The following KCTD1 variants were observed in gnomAD, a reference collection of about 807,000 sequenced individuals.
The protein encoded by KCTD1 is BTB/POZ domain-containing protein KCTD1.
KCTD1 carries 24 observed loss-of-function variants against 66.0 expected under a neutral mutation model. The observed-to-expected ratio is 0.36, with a 90% CI of 0.26 to 0.51. The LOEUF (loss-of-function observed/expected upper bound fraction) is 0.51. KCTD1 is among the 20% of genes least tolerant of loss of function. KCTD1 has a pLI of 0.95. For synonymous variants in KCTD1, 511 were observed against 517.2 expected (o/e 0.99, Z 0.16); for missense variants, 943 against 1,205.2 (o/e 0.78, Z 3.22).
upstream of KCTD1, chr18:26,640,492 G>A (rs1032237592): frequency 2.0e-5 from 3 of 152,948 alleles, no homozygotes; most frequent in African/African-American, 7.2e-5. Flanking sequence ...CAGTGAGAGG[G>A]GATGGGGGCA....
intron 1 of KCTD1, among the ~76,000 whole-genome samples, chr18:26,510,884 T>C (rs1164156382): frequency 1.3e-5 from 2 of 152,182 alleles, no homozygotes; most frequent in East Asian, 3.8e-4. Flanking sequence ...AATAGTGCTA[T>C]AGGGAAAGGT....
upstream of KCTD1, among the ~76,000 whole-genome samples, chr18:26,550,492 G>A (rs980342029): frequency 2.2e-4 from 33 of 152,000 alleles, no homozygotes; most frequent in African/African-American, 7.7e-4. The surrounding 1 kb of genome is among the most constrained non-coding windows in gnomAD (Gnocchi z 5.4). Context: ...ACCGCGCCAG[G>A]TGTGAAACAA....
chr18:26,651,508 G>C (rs1988033220), intron 1 of KCTD1, among the ~76,000 whole-genome samples: 1 of 152,172 alleles, frequency 6.6e-6, no homozygotes, highest in Non-Finnish European at 1.5e-5. Context: ...AGTTGGCCGA[G>C]TGTGGTGGCT....
intron 2 of KCTD1, among the ~76,000 whole-genome samples, chr18:26,491,815 C>A (rs1482403934): frequency 6.6e-6 from 1 of 152,174 alleles, no homozygotes; most frequent in African/African-American, 2.4e-5. Context: ...ATATCATAGA[C>A]AACTTGACCT....
chr18:26,550,347 A>G (rs1985507235), upstream of KCTD1, among the ~76,000 whole-genome samples: 2 of 149,968 alleles, frequency 1.3e-5, no homozygotes, highest in Non-Finnish European at 3.0e-5. The surrounding 1 kb of genome is among the most constrained non-coding windows in gnomAD (Gnocchi z 5.4). Flanking sequence ...TTTTTTTTTT[A>G]AGAAAGAATG....
upstream of KCTD1, among the ~76,000 whole-genome samples, chr18:26,550,565 G>GACACACACACACACACACACACACACAC (rs60922405): frequency 2.1e-5 from 3 of 140,488 alleles, no homozygotes; most frequent in African/African-American, 8.1e-5. This position sits in a 1 kb window ranked among gnomAD's most constrained non-coding sequence, Gnocchi z 5.4. Flanking sequence ...AAGACACACA[G>GACACACACACACACACACACACACACAC]ACACACACAC....
intron 1 of KCTD1, chr18:26,599,816 A>C: frequency 6.4e-7 from 1 of 1,558,834 alleles, no homozygotes; most frequent in Non-Finnish European, 8.9e-7. Context: ...CTAACCCCTG[A>C]GGAAATACAG....
intron 1 of KCTD1, among the ~76,000 whole-genome samples, chr18:26,527,497 G>T (rs1310100523): frequency 1.3e-5 from 2 of 149,034 alleles, no homozygotes; most frequent in Non-Finnish European, 3.0e-5. Context: ...AAAAAAGGGG[G>T]GGGGGCGTGG....
At chr18:26,455,975 G>T in intron 4 of KCTD1, 74 bp from the exon 5 acceptor site, 21 of 1,420,960 alleles carry the variant, frequency 1.5e-5, no homozygotes, top group Non-Finnish European at 1.8e-5. Flanking sequence ...CCCAAAGTTT[G>T]AGATTATGCG....
intron 1 of KCTD1, among the ~76,000 whole-genome samples, chr18:26,652,090 G>A (rs1988047703): frequency 6.6e-6 from 1 of 152,146 alleles, no homozygotes. Flanking sequence ...GACTGATATG[G>A]ACCGAGGGAC....
chr18:26,498,768 G>T (rs1173735956), intron 2 of KCTD1, among the ~76,000 whole-genome samples: 2 of 152,098 alleles, frequency 1.3e-5, no homozygotes, highest in Non-Finnish European at 2.9e-5. Flanking sequence ...TCAGGGTTTG[G>T]ATAAGAAGGA....
chr18:26,615,572 G>A (rs1987231392), intron 1 of KCTD1, among the ~76,000 whole-genome samples: 2 of 152,126 alleles, frequency 1.3e-5, no homozygotes, highest in Admixed American at 1.3e-4. Flanking sequence ...TATCTGTTTT[G>A]GGTGGTCTCC....
intron 1 of KCTD1, among the ~76,000 whole-genome samples, chr18:26,509,765 T>C (rs1163757290): frequency 1.3e-5 from 2 of 152,202 alleles, no homozygotes; most frequent in African/African-American, 2.4e-5. Context: ...AAGTCACATA[T>C]ACAGGGCACC....
In KCTD1 at chr18:26,547,121, G is replaced by A; in HGVS notation, c.1416C>T (p.Gly472=). 6.5e-7 allele frequency: 1 copy of A among 1,550,204 alleles called. No homozygotes were observed. The highest frequency in any genetic ancestry group is 8.7e-7 in the Non-Finnish European group (1 of 1,146,912). ...CGTAGCAGCCCTGCGGGGCGGGCGA[G>A]CCCAGCTTGGTGCCAATGCCCGCGA... ...NSIAGIGTKL[G]SPAPQGCYAE... Residue 472 remains glycine, a synonymous_variant, in exon 1 of 5, where the codon GGC becomes GGT. Coordinates refer to ENST00000580059, the MANE Select transcript of KCTD1 (RefSeq NM_001142730.3).
intron 1 of KCTD1, among the ~76,000 whole-genome samples, chr18:26,534,683 G>A (rs952213863): frequency 6.6e-6 from 1 of 151,962 alleles, no homozygotes; most frequent in Non-Finnish European, 1.5e-5. Context: ...AAGTGTATTT[G>A]TATTATCCCT....
intron 1 of KCTD1, among the ~76,000 whole-genome samples, chr18:26,616,478 T>TATAC (rs148346431): frequency 0.45 from 66,196 of 148,270 alleles, 14,623 homozygotes; most frequent in African/African-American, 0.46. Context: ...TATATATATA[T>TATAC]ACACACACAC....
At chr18:26,544,713 T>C (rs1340889523) in intron 1 of KCTD1, 4 of 152,240 alleles carry the variant, frequency 2.6e-5, no homozygotes, top group Non-Finnish European at 5.9e-5. Flanking sequence ...GATTTTAATA[T>C]ACAAAGAAGG....
chr18:26,545,418 G>C (rs1985163739), intron 1 of KCTD1: 1 of 152,176 alleles, frequency 6.6e-6, no homozygotes, highest in Non-Finnish European at 1.5e-5. Flanking sequence ...GTGTATTTTA[G>C]AGAACTTTGG....
chr18:26,649,399 C>G (rs891674807), intron 1 of KCTD1, among the ~76,000 whole-genome samples: 1 of 152,166 alleles, frequency 6.6e-6, no homozygotes, highest in South Asian at 2.1e-4. Flanking sequence ...TCTTTCTCCT[C>G]CCTGCCCCAC....
Sources: gnomAD v4.1 joint callset for allele counts (sites outside exome capture counted in the v4.1 genomes callset) on GRCh38, gnomAD v4.1.1 for gene constraint, Gnocchi (gnomAD v3.1) non-coding constraint, MANE v1.5 for transcripts, NCBI Gene and HGNC (gene_info 2026-07-23, HGNC 2026-07-21) for gene names.